WDR31: variants seen among roughly 807,000 people sequenced by gnomAD.
The protein encoded by WDR31 is WD repeat-containing protein 31.
In WDR31, 30 loss-of-function variants were observed where a neutral mutation model predicts 47.3. That is an observed-to-expected ratio of 0.63 (90% CI 0.47 to 0.86). The LOEUF is 0.86. WDR31 is among the 40% of genes least tolerant of loss of function. The pLI is 0.00. For synonymous variants in WDR31, 137 were observed against 159.4 expected (o/e 0.86, Z 1.06); for missense variants, 406 against 442.9 (o/e 0.92, Z 0.75).
At chr9:113,327,527 T>C (rs1302314196) in intron 5 of WDR31, among the ~76,000 whole-genome samples, 3 of 152,228 alleles carry the variant, frequency 2.0e-5, no homozygotes, top group Non-Finnish European at 4.4e-5. Flanking sequence ...CAAGGTCTAC[T>C]ATAACTTGAC....
chr9:113,326,473 C>CT (rs1407146323), intron 5 of WDR31, among the ~76,000 whole-genome samples: 1 of 148,466 alleles, frequency 6.7e-6, no homozygotes, highest in Non-Finnish European at 1.5e-5. Context: ...CTCCCTCCTT[C>CT]TTTCTTTCTT....
intron 9 of WDR31, among the ~76,000 whole-genome samples, chr9:113,319,088 T>C (rs1198092693): frequency 1.3e-5 from 2 of 152,130 alleles, no homozygotes; most frequent in Non-Finnish European, 2.9e-5. Flanking sequence ...CCCATAGATA[T>C]AAGTACATCT....
chr9:113,330,858 A>T, intron 4 of WDR31, 126 bp downstream of exon 4: 1 of 1,100,800 alleles, frequency 9.1e-7, no homozygotes, highest in Non-Finnish European at 1.2e-6. Context: ...AGTCTTTCTA[A>T]CTCTAAAGCC....
At chr9:113,329,224 C>A (rs1436008637) in intron 4 of WDR31, among the ~76,000 whole-genome samples, 3 of 152,252 alleles carry the variant, frequency 2.0e-5, no homozygotes, top group African/African-American at 7.2e-5. Flanking sequence ...CTAACATTCC[C>A]CAAGGAGAAC....
chr9:113,318,362 C>A (rs1318642395), intron 10 of WDR31, 113 bp downstream of exon 10: 1 of 1,226,508 alleles, frequency 8.2e-7, no homozygotes, highest in Non-Finnish European at 1.2e-6. Context: ...TGAGACTGGA[C>A]AGTGGCAGAA....
chr9:113,339,496 T>C (rs1833784051), intron 1 of WDR31, among the ~76,000 whole-genome samples: 1 of 152,128 alleles, frequency 6.6e-6, no homozygotes, highest in East Asian at 1.9e-4. Flanking sequence ...AAAGTATGAG[T>C]AGAAACACCT....
At chr9:113,323,272 T>G in intron 5 of WDR31, 117 bp from the exon 6 acceptor site, 7 of 1,324,328 alleles carry the variant, frequency 5.3e-6, no homozygotes, top group Non-Finnish European at 7.2e-6. Context: ...CTTCTTTTCT[T>G]TTTTTTTGAG....
intron 4 of WDR31, among the ~76,000 whole-genome samples, chr9:113,329,748 C>A (rs956896593): frequency 6.6e-6 from 1 of 151,618 alleles, no homozygotes; most frequent in South Asian, 2.1e-4. Context: ...CTGAGGCGGG[C>A]GGATCACCTG....
At position 113,316,922 on chromosome 9, in the gene WDR31, G is replaced by C. The variant is rs771476153; in HGVS notation, c.944-13C>G. The C allele has an allele frequency of 9.9e-6, 16 of 1,612,470 alleles. No individual in the cohort carries two copies. In the South Asian group the frequency reaches 1.5e-4, roughly 16 times the overall value. On this transcript the variant is annotated splice_polypyrimidine_tract_variant and intron_variant, in intron 10 of 10. Coordinates refer to ENST00000374193, the MANE Select transcript of WDR31 (RefSeq NM_001012361.4). ...GTGAAAAGGCAGGCTGGGGGGGAAAGGGGGACCAGCAGATTAGGCCAAGAG... is the reference window on the plus strand; with the variant it reads ...GTGAAAAGGCAGGCTGGGGGGGAAACGGGGACCAGCAGATTAGGCCAAGAG...
In WDR31 at chr9:113,337,464, A is replaced by ATT. The variant is rs151093541; in HGVS notation, c.-181-1026_-181-1025dup. ...GGAAATATTCATTGGAGCATTTTGG[A>ATT]TTTTTTTTTTTTTTTTTTTTAGACA... On this transcript the variant is annotated intron_variant, in intron 1 of 10. Coordinates refer to ENST00000374193, the MANE Select transcript of WDR31 (RefSeq NM_001012361.4). Among the ~76,000 whole-genome samples, 197 of 135,490 alleles carry ATT rather than the reference A, an allele frequency of 1.5e-3. 1 individual carries two copies. Among genetic ancestry groups the ATT allele is most frequent in the East Asian group, 8.1e-3 (37 of 4,576 alleles). 88.9% of individuals were successfully genotyped at this position (135,490 alleles called of 152,430 possible). A position where few individuals can be genotyped will look rare whatever the true frequency, so the allele number is the denominator to read the frequency against.
intron 2 of WDR31, among the ~76,000 whole-genome samples, chr9:113,335,742 G>A (rs1032958858): frequency 1.3e-5 from 2 of 152,124 alleles, no homozygotes; most frequent in African/African-American, 4.8e-5. Context: ...ATCTACCCCA[G>A]CCCTGCCTCA....
At position 113,323,513 on chromosome 9, in the gene WDR31, C is replaced by T. The variant is rs144493731; in HGVS notation, c.325-358G>A. ...GTGACCTCAGGTGAGCCACCCACCT[C>T]GGCCTCCCAAAGTACTGGGATTACA... On this transcript the variant is annotated intron_variant, in intron 5 of 10. Transcript: ENST00000374193. Among the ~76,000 whole-genome samples, 413 of 152,164 alleles carry T rather than the reference C, an allele frequency of 2.7e-3. 2 individuals carry two copies. Among genetic ancestry groups the T allele is most frequent in the East Asian group, 6.6e-3 (34 of 5,154 alleles).
chr9:113,324,840 G>A (rs796096618), intron 5 of WDR31, among the ~76,000 whole-genome samples: 6,347 of 110,242 alleles, frequency 0.058, 252 homozygotes, highest in African/African-American at 0.14. Flanking sequence ...GTGTGTGTGT[G>A]TGTGTGTGTG....
Position 113,330,965 on chromosome 9 carries a change from G to A in WDR31, c.249+19C>T. The A allele has an allele frequency of 1.9e-6, 3 of 1,573,378 alleles. No homozygotes were observed. The highest frequency in any genetic ancestry group is 3.4e-4 in the Middle Eastern group (2 of 5,852). Reference sequence around the variant, plus strand: ...CCCTGCAATAAAGTTCATTTCCCGGGAAACACTGCAAACCCCACCTTATCT... The same window carrying A: ...CCCTGCAATAAAGTTCATTTCCCGGAAAACACTGCAAACCCCACCTTATCT... On this transcript the variant is annotated intron_variant, in intron 4 of 10. Transcript: ENST00000374193.
chr9:113,323,259 ACAC>A (rs1171483436), intron 5 of WDR31, 104 bp from the exon 6 acceptor site: 1 of 1,376,874 alleles, frequency 7.3e-7, no homozygotes, highest in African/African-American at 1.5e-5. Context: ...CTCCCCACAC[ACAC>A]TTCTTTTCTT....
intron 2 of WDR31, among the ~76,000 whole-genome samples, chr9:113,332,783 C>CT (rs1331601387): frequency 2.0e-5 from 3 of 152,180 alleles, no homozygotes; most frequent in Admixed American, 2.0e-4. Context: ...GGAGGTAGGG[C>CT]TTAGTTGGAG....
In WDR31 at chr9:113,314,177, A is replaced by AG. The variant is rs1289511582; in HGVS notation, c.*2571_*2572insC. 1 of 149,342 alleles carries AG rather than the reference A, an allele frequency of 6.7e-6. No individual in the cohort carries two copies. Among genetic ancestry groups the AG allele is most frequent in the Non-Finnish European group, 1.5e-5 (1 of 67,506 alleles). The allele number at this position is 149,342 out of a possible 1,614,324, so 9.3% of individuals were successfully genotyped here. On this transcript the variant is annotated 3_prime_UTR_variant, in exon 11 of 11. Transcript: ENST00000374193. ...TCCATCTCAAAAAAAAAAAAAAAAAAAAGGATCAAGGAATGGTAAACGTTT... is the reference window on the plus strand; with the variant it reads ...TCCATCTCAAAAAAAAAAAAAAAAAAGAAGGATCAAGGAATGGTAAACGTTT...
intron 5 of WDR31, among the ~76,000 whole-genome samples, chr9:113,325,259 T>C (rs1407652604): frequency 6.6e-6 from 1 of 152,168 alleles, no homozygotes; most frequent in Non-Finnish European, 1.5e-5. Context: ...CCAGCCTAGA[T>C]ATGTCTCTTT....
At chr9:113,324,828 ATGTGTGTGTGTGTGTGTG>A (rs57088850) in intron 5 of WDR31, among the ~76,000 whole-genome samples, 12 of 138,196 alleles carry the variant, frequency 8.7e-5, no homozygotes, top group South Asian at 2.3e-4. Context: ...ATATATATAT[ATGTGTGTGTGTGTGTGTG>A]TGTGTGTGTG....
Sources: allele counts gnomAD v4.1 joint callset (sites outside exome capture counted in the v4.1 genomes callset), GRCh38; gene constraint gnomAD v4.1.1; transcripts MANE v1.5; gene names NCBI Gene and HGNC (gene_info 2026-07-23, HGNC 2026-07-21).